Variants in COL4A5 observed in about 807,000 individuals in gnomAD.
COL4A5 encodes collagen alpha-5(IV) chain.
In COL4A5, 26 loss-of-function variants were observed where a neutral mutation model predicts 130.2. That is an observed-to-expected ratio of 0.20 (90% CI 0.15 to 0.28). COL4A5 has a LOEUF of 0.28. COL4A5 is among the 10% of genes least tolerant of loss of function. The pLI is 1.00. For synonymous variants in COL4A5, 496 were observed against 439.6 expected, an observed-to-expected ratio of 1.13 and a Z score of -1.60; for missense variants, 1,131 against 1,344.3, an observed-to-expected ratio of 0.84 and a Z score of 2.48.
At position 108,571,611 on chromosome X, in the gene COL4A5, T is replaced by G. The variant is rs1028305100; in HGVS notation, c.438+145T>G. The G allele has an allele frequency of 6.4e-6, 4 of 625,892 alleles. No homozygotes were observed. The African/African-American group carries it at 9.0e-5, about 14-fold the overall frequency. 51.6% of individuals were successfully genotyped at this position (625,892 alleles called of 1,213,427 possible). A position where few individuals can be genotyped will look rare whatever the true frequency, so the allele number is the denominator to read the frequency against. Reference sequence around the variant, plus strand: ...AGAGGAAAATGTTTCAAAAAGAAGTTGGTAATATAGCTTTCTCCTGGGCAA... The same window carrying G: ...AGAGGAAAATGTTTCAAAAAGAAGTGGGTAATATAGCTTTCTCCTGGGCAA... On this transcript the variant is annotated intron_variant, in intron 7 of 52. Transcript: ENST00000328300.
At chrX:108,630,778 TA>T (rs1280408708) in intron 36 of COL4A5, among the ~76,000 whole-genome samples, 3 of 112,480 alleles carry the variant, frequency 2.7e-5, no homozygotes, top group African/African-American at 9.7e-5. Flanking sequence ...CTAGGGTTTT[TA>T]TGGTTTTATG....
chrX:108,477,835 A>AG (rs1491576549), intron 1 of COL4A5, among the ~76,000 whole-genome samples: 8 of 108,636 alleles, frequency 7.4e-5, no homozygotes, highest in African/African-American at 2.7e-4. Context: ...AAAAAAAAAA[A>AG]GAAGAAGGAG....
At chrX:108,503,459 G>A (rs1215068800) in intron 1 of COL4A5, among the ~76,000 whole-genome samples, 1 of 111,639 alleles carries the variant, frequency 9.0e-6, no homozygotes, top group Admixed American at 9.5e-5. Context: ...TGGAAAGGAG[G>A]AAGCCAAACT....
intron 1 of COL4A5, among the ~76,000 whole-genome samples, chrX:108,521,125 A>T (rs1453235659): frequency 8.9e-6 from 1 of 112,182 alleles, no homozygotes; most frequent in African/African-American, 3.2e-5. Context: ...CATAATTATC[A>T]AACATAAGAA....
At chrX:108,506,747 G>A (rs185174988) in intron 1 of COL4A5, among the ~76,000 whole-genome samples, 8 of 110,144 alleles carry the variant, frequency 7.3e-5, no homozygotes, top group Admixed American at 1.9e-4. Flanking sequence ...TCCATGGCCC[G>A]GGGGTTGGGG....
At chrX:108,455,838 C>G (rs12115873) in intron 1 of COL4A5, among the ~76,000 whole-genome samples, 10,459 of 111,475 alleles carry the variant, frequency 0.094, 1,092 homozygotes, top group African/African-American at 0.31. Context: ...TTCTATTCAC[C>G]TGTTTGTGCA....
At chrX:108,627,071 T>G in intron 36 of COL4A5, 1 of 658,155 alleles carries the variant, frequency 1.5e-6, no homozygotes, top group East Asian at 1.6e-4. Flanking sequence ...TCTTTTAATA[T>G]TATATAAAAA....
intron 37 of COL4A5, among the ~76,000 whole-genome samples, chrX:108,655,753 T>C (rs1776677013): frequency 8.9e-6 from 1 of 112,552 alleles, no homozygotes; most frequent in African/African-American, 3.2e-5. Flanking sequence ...GCCTTGCTAT[T>C]TTTGTAGGTA....
intron 1 of COL4A5, among the ~76,000 whole-genome samples, chrX:108,501,435 GT>G (rs1459870817): frequency 9.0e-6 from 1 of 111,410 alleles, no homozygotes; most frequent in African/African-American, 3.3e-5. Flanking sequence ...CCTTTTTGCT[GT>G]TTTGATAAGG....
intron 36 of COL4A5, among the ~76,000 whole-genome samples, chrX:108,642,781 T>C (rs1200421753): frequency 2.1e-5 from 2 of 95,427 alleles, no homozygotes; most frequent in African/African-American, 8.1e-5. Flanking sequence ...CCTACCCAAA[T>C]GAGAAGGAAC....
At chrX:108,646,180 G>T (rs1339750209) in intron 36 of COL4A5, among the ~76,000 whole-genome samples, 3 of 111,413 alleles carry the variant, frequency 2.7e-5, no homozygotes, top group Non-Finnish European at 5.6e-5. Flanking sequence ...GGTTGAACTA[G>T]TTTACAGTCC....
chrX:108,560,210 G>A (rs1008293689), intron 3 of COL4A5, among the ~76,000 whole-genome samples: 3 of 112,005 alleles, frequency 2.7e-5, no homozygotes, highest in African/African-American at 6.5e-5. Context: ...CTATTGCCAA[G>A]CCAGTAATAG....
At chrX:108,567,181 C>G (rs1266674386) in intron 4 of COL4A5, among the ~76,000 whole-genome samples, 1 of 111,475 alleles carries the variant, frequency 9.0e-6, no homozygotes, top group African/African-American at 3.3e-5. Flanking sequence ...AGTTTTCCCC[C>G]TTTGAATTGA....
At chrX:108,640,353 A>G (rs936650856) in intron 36 of COL4A5, among the ~76,000 whole-genome samples, 53 of 111,837 alleles carry the variant, frequency 4.7e-4, no homozygotes, top group African/African-American at 1.7e-3. Flanking sequence ...TCATAGAGAC[A>G]GAAGGTAGAA....
intron 1 of COL4A5, among the ~76,000 whole-genome samples, chrX:108,512,918 G>A (rs1263102955): frequency 1.8e-5 from 2 of 110,888 alleles, no homozygotes; most frequent in South Asian, 3.9e-4. Flanking sequence ...GGGAGACTGG[G>A]GTTTATTTCA....
At chrX:108,592,005 C>T (rs781106402) in intron 21 of COL4A5, among the ~76,000 whole-genome samples, 68 of 111,645 alleles carry the variant, frequency 6.1e-4, no homozygotes, top group African/African-American at 2.1e-3. Flanking sequence ...TCCATGATTC[C>T]TTTGCCCTTC....
At chrX:108,641,650 G>A (rs1353957664) in intron 36 of COL4A5, among the ~76,000 whole-genome samples, 1 of 111,903 alleles carries the variant, frequency 8.9e-6, no homozygotes, top group East Asian at 2.8e-4. Context: ...CTGTTTGTGG[G>A]AGAAGTTTCT....
intron 1 of COL4A5, among the ~76,000 whole-genome samples, chrX:108,446,671 A>G (rs754889697): frequency 6.2e-5 from 7 of 112,147 alleles, no homozygotes; most frequent in Non-Finnish European, 1.1e-4. Flanking sequence ...TGCAGTTGAT[A>G]CATGATTGGG....
intron 28 of COL4A5, among the ~76,000 whole-genome samples, chrX:108,606,226 C>G (rs1187250085): frequency 9.0e-6 from 1 of 111,684 alleles, no homozygotes; most frequent in East Asian, 2.8e-4. Context: ...ATATCCATCA[C>G]CCAGATTCAA....
Sources: gnomAD v4.1 joint callset for allele counts (sites outside exome capture counted in the v4.1 genomes callset) on GRCh38, gnomAD v4.1.1 for gene constraint, MANE v1.5 for transcripts, NCBI Gene and HGNC (gene_info 2026-07-23, HGNC 2026-07-21) for gene names.